The following FRMD5 variants were observed in gnomAD, a reference collection of about 807,000 sequenced individuals.
The protein encoded by FRMD5 is FERM domain containing 5, also known as FERM domain-containing protein 5.
A neutral mutation model predicts 69.0 loss-of-function variants in FRMD5; 20 were observed. That is an observed-to-expected ratio of 0.29 (90% confidence interval 0.20 to 0.42). The LOEUF (loss-of-function observed/expected upper bound fraction) is 0.42. Ranked by LOEUF, FRMD5 falls within the 10% of genes least tolerant of loss-of-function variation. The pLI, the probability that FRMD5 is intolerant of heterozygous loss-of-function variation, is 1.00. For synonymous variants in FRMD5, 271 were observed against 260.1 expected, an observed-to-expected ratio of 1.04 and a Z score of -0.40; for missense variants, 595 against 708.6, an observed-to-expected ratio of 0.84 and a Z score of 1.82.
At chr15:44,031,011 T>C (rs1337544022) in intron 1 of FRMD5, among the ~76,000 whole-genome samples, 1 of 148,064 alleles carries the variant, frequency 6.8e-6, no homozygotes, top group Non-Finnish European at 1.5e-5. Context: ...GCAGGAGGAG[T>C]GTCAGTCAGT....
intron 1 of FRMD5, chr15:43,989,369 C>T (rs1415825416): frequency 6.0e-5 from 47 of 785,232 alleles, no homozygotes; most frequent in South Asian, 5.5e-4. Flanking sequence ...TCATGGATGC[C>T]GCGGGATTCC....
At chr15:43,964,935 T>G (rs188604945) in intron 1 of FRMD5, among the ~76,000 whole-genome samples, 86 of 152,222 alleles carry the variant, frequency 5.6e-4, no homozygotes, top group African/African-American at 1.9e-3. Flanking sequence ...GCAGGAGAAC[T>G]AAGTATAATT....
intron 4 of FRMD5, among the ~76,000 whole-genome samples, chr15:43,916,216 G>C (rs2089384497): frequency 6.6e-6 from 1 of 152,216 alleles, no homozygotes; most frequent in African/African-American, 2.4e-5. Context: ...CTGACTTGGT[G>C]AGAGGCCTGG....
intron 1 of FRMD5, among the ~76,000 whole-genome samples, chr15:43,988,614 G>T (rs1889515433): frequency 6.6e-6 from 1 of 152,088 alleles, no homozygotes; most frequent in Non-Finnish European, 1.5e-5. Context: ...GTGGGGCCAT[G>T]AAAGCTGATC....
At chr15:44,043,468 A>T (rs1357309053) in intron 1 of FRMD5, among the ~76,000 whole-genome samples, 4 of 152,178 alleles carry the variant, frequency 2.6e-5, no homozygotes, top group African/African-American at 9.6e-5. Flanking sequence ...CATTGCCAAG[A>T]GAATCCTAAC....
chr15:44,177,925 A>G (rs2077927942), intron 1 of FRMD5, among the ~76,000 whole-genome samples: 1 of 152,230 alleles, frequency 6.6e-6, no homozygotes, highest in Non-Finnish European at 1.5e-5. Context: ...AATATTCCAT[A>G]CAAGGTAGTT....
chr15:44,146,986 A>G (rs2077366631), intron 1 of FRMD5, among the ~76,000 whole-genome samples: 1 of 152,210 alleles, frequency 6.6e-6, no homozygotes, highest in East Asian at 1.9e-4. Context: ...GAAGCTCTTT[A>G]GTTTAATTAG....
Position 43,879,365 on chromosome 15 carries a change from A to T in FRMD5, c.1135+4338T>A, listed in dbSNP as rs192901690. The T allele has an allele frequency of 1.9e-3, 764 of 397,060 alleles. 7 individuals carry two copies. The highest frequency in any genetic ancestry group is 0.014 in the African/African-American group (683 of 48,670). The allele number at this position is 397,060 out of a possible 1,614,324, so 24.6% of individuals were successfully genotyped here. On this transcript the variant is annotated intron_variant, in intron 13 of 13. Coordinates refer to ENST00000417257, the MANE Select transcript of FRMD5 (RefSeq NM_032892.5). ...ACATCAGGTTAGTCCTATATTAGAA[A>T]CTGTTTTCACTGCTGTAAAAGCCAC...
chr15:44,126,964 T>A (rs1027802945), intron 1 of FRMD5, among the ~76,000 whole-genome samples: 5 of 152,242 alleles, frequency 3.3e-5, no homozygotes, highest in Admixed American at 3.3e-4. Flanking sequence ...ATAAATACTT[T>A]TTTAAGTACT....
intron 1 of FRMD5, among the ~76,000 whole-genome samples, chr15:44,038,449 C>T (rs1330137488): frequency 1.5e-5 from 2 of 132,186 alleles, no homozygotes; most frequent in African/African-American, 5.6e-5. Flanking sequence ...TTTAATCCAT[C>T]TTGGGTTAAT....
At chr15:44,133,920 A>T (rs1427740578) in intron 1 of FRMD5, among the ~76,000 whole-genome samples, 1 of 152,072 alleles carries the variant, frequency 6.6e-6, no homozygotes, top group Non-Finnish European at 1.5e-5. Context: ...AGAGATTGTA[A>T]ATAATAATAA....
intron 1 of FRMD5, among the ~76,000 whole-genome samples, chr15:43,996,961 A>G (rs1889961432): frequency 6.6e-6 from 1 of 152,168 alleles, no homozygotes; most frequent in Admixed American, 6.5e-5. Flanking sequence ...TTTTAAAAAA[A>G]TGATACATGC....
chr15:43,978,827 C>T (rs2140612167), intron 1 of FRMD5, among the ~76,000 whole-genome samples: 1 of 152,264 alleles, frequency 6.6e-6, no homozygotes, highest in African/African-American at 2.4e-5. Flanking sequence ...GCTGGGATGA[C>T]AGACATGAAC....
intron 4 of FRMD5, among the ~76,000 whole-genome samples, chr15:43,910,759 A>G (rs1397162773): frequency 6.6e-6 from 1 of 152,204 alleles, no homozygotes; most frequent in Non-Finnish European, 1.5e-5. Flanking sequence ...ACGATCTGCC[A>G]GTCCAGGTGT....
At chr15:44,121,040 C>G (rs2076942364) in intron 1 of FRMD5, among the ~76,000 whole-genome samples, 1 of 151,190 alleles carries the variant, frequency 6.6e-6, no homozygotes, top group Admixed American at 6.6e-5. Flanking sequence ...AGAAAGAAAA[C>G]ACAGAGTGAG....
In FRMD5 at chr15:43,874,409, G is replaced by A. The variant is rs1196249588; in HGVS notation, c.1189C>T (p.His397Tyr). The part of the protein sequence containing the change: ...AHSTPVRSTS[H>Y]GDTFLPHVRS... ...ACGTGAGGCAGGAAGGTGTCCCCAT[G>A]GGAAGTGGAACGCACTGGTGTGGAA... The change falls in exon 14 of 14, where the codon CAT becomes TAT. Residue 397 changes from histidine to tyrosine, a missense_variant. Around this residue, in one of 5 missense-constraint regions of FRMD5, gnomAD observed 245 missense variants for 227.1 expected, o/e 1.08. Coordinates refer to ENST00000417257, the MANE Select transcript of FRMD5 (RefSeq NM_032892.5). 2 of 1,614,216 alleles carry A rather than the reference G, an allele frequency of 1.2e-6. No individual in the cohort carries two copies. Among genetic ancestry groups the A allele is most frequent in the Non-Finnish European group, 1.7e-6 (2 of 1,180,048 alleles).
intron 7 of FRMD5, among the ~76,000 whole-genome samples, chr15:43,900,592 CTA>C (rs1428366614): frequency 1.3e-5 from 2 of 151,250 alleles, no homozygotes; most frequent in African/African-American, 4.9e-5. Context: ...TGCTTTGTCC[CTA>C]TGTCACTGTG....
At chr15:44,019,986 A>G (rs1891142352) in intron 1 of FRMD5, among the ~76,000 whole-genome samples, 1 of 152,044 alleles carries the variant, frequency 6.6e-6, no homozygotes, top group South Asian at 2.1e-4. Flanking sequence ...AGACTGCAAA[A>G]TATTTATTTA....
At chr15:44,062,805 G>A (rs1384190402) in intron 1 of FRMD5, among the ~76,000 whole-genome samples, 1 of 151,916 alleles carries the variant, frequency 6.6e-6, no homozygotes. Flanking sequence ...ATCCCCCCCA[G>A]ATACAGAGGG....
Sources: gnomAD v4.1 joint callset for allele counts (sites outside exome capture counted in the v4.1 genomes callset) on GRCh38, gnomAD v4.1.1 for gene constraint, gnomAD v4.1.1 regional missense constraint, MANE v1.5 for transcripts, NCBI Gene and HGNC (gene_info 2026-07-23, HGNC 2026-07-21) for gene names.